Variants in GPC6 observed in about 807,000 individuals in gnomAD.
GPC6 encodes the protein glypican 6.
In GPC6, 14 loss-of-function variants were observed where a neutral mutation model predicts 55.2. The observed-to-expected ratio is 0.25, with a 90% CI of 0.17 to 0.40. The LOEUF (loss-of-function observed/expected upper bound fraction) is 0.40. Among genes scored for constraint, GPC6 ranks in the 10% least tolerant of loss-of-function variants. The pLI is 1.00. For synonymous variants in GPC6, 278 were observed against 259.6 expected (o/e 1.07, Z -0.68); for missense variants, 641 against 708.5 (o/e 0.90, Z 1.08).
intron 4 of GPC6, among the ~76,000 whole-genome samples, chr13:94,132,565 C>A (rs1044608227): frequency 2.6e-5 from 4 of 152,112 alleles, no homozygotes; most frequent in Non-Finnish European, 4.4e-5. Flanking sequence ...CTTCCTTGTT[C>A]AAAAATATGG....
intron 1 of GPC6, among the ~76,000 whole-genome samples, chr13:93,486,129 G>A (rs1177317827): frequency 2.6e-5 from 4 of 152,150 alleles, no homozygotes; most frequent in Admixed American, 6.6e-5. Flanking sequence ...CAGTGTAGTA[G>A]AGACAAGTGG....
rs141291168 is a variant in GPC6, at chr13:93,675,868, G to C, written c.319+130447G>C. Among the ~76,000 whole-genome samples, 752 of 152,032 alleles carry C rather than the reference G, an allele frequency of 4.9e-3. 6 individuals carry two copies. The highest frequency in any genetic ancestry group is 0.017 in the African/African-American group (693 of 41,452). On this transcript the variant is annotated intron_variant, in intron 2 of 8. Transcript: ENST00000377047. Reference sequence around the variant, plus strand: ...AACTGTTTGATTTTTTTGGATGTGAGAGATGTTGAGTAATTTTTCTAGATC... The same window carrying C: ...AACTGTTTGATTTTTTTGGATGTGACAGATGTTGAGTAATTTTTCTAGATC...
At chr13:94,134,675 A>G (rs1464059487) in intron 4 of GPC6, among the ~76,000 whole-genome samples, 1 of 150,850 alleles carries the variant, frequency 6.6e-6, no homozygotes, top group Non-Finnish European at 1.5e-5. Context: ...GAGAAAAAAC[A>G]TATTCATCAT....
intron 3 of GPC6, among the ~76,000 whole-genome samples, chr13:93,877,253 A>C (rs1449151551): frequency 1.3e-5 from 2 of 152,052 alleles, no homozygotes; most frequent in African/African-American, 4.8e-5. Flanking sequence ...CCTATTTTAC[A>C]GTTAACCCTT....
intron 4 of GPC6, among the ~76,000 whole-genome samples, chr13:94,160,735 A>G (rs922730323): frequency 6.6e-6 from 1 of 152,246 alleles, no homozygotes; most frequent in Non-Finnish European, 1.5e-5. Flanking sequence ...TACTAAACAT[A>G]GCCCTTTTTT....
chr13:94,239,184 C>A (rs772631454), intron 4 of GPC6, among the ~76,000 whole-genome samples: 1 of 151,914 alleles, frequency 6.6e-6, no homozygotes, highest in Non-Finnish European at 1.5e-5. Context: ...ATTTAGGGGG[C>A]CCTTCTCGGT....
At chr13:94,208,332 CAACT>C (rs770104743) in intron 4 of GPC6, among the ~76,000 whole-genome samples, 21 of 152,058 alleles carry the variant, frequency 1.4e-4, no homozygotes, top group Non-Finnish European at 1.0e-4. Flanking sequence ...GTGTTGTTGA[CAACT>C]AAATAAGACA....
At chr13:93,614,509 C>T (rs77983743) in intron 2 of GPC6, among the ~76,000 whole-genome samples, 11,056 of 152,038 alleles carry the variant, frequency 0.073, 561 homozygotes, top group Non-Finnish European at 0.12. Context: ...CCTTGGGTGG[C>T]GGTGACGATT....
intron 4 of GPC6, among the ~76,000 whole-genome samples, chr13:94,052,270 G>A (rs906229435): frequency 2.6e-5 from 4 of 152,184 alleles, no homozygotes; most frequent in Non-Finnish European, 5.9e-5. Flanking sequence ...ATTTGGGTCA[G>A]GTCATGCATT....
intron 2 of GPC6, among the ~76,000 whole-genome samples, chr13:93,729,052 A>G (rs1883738635): frequency 6.6e-6 from 1 of 152,222 alleles, no homozygotes; most frequent in South Asian, 2.1e-4. Flanking sequence ...TAGAATAAAA[A>G]TAATAAATCC....
intron 3 of GPC6, among the ~76,000 whole-genome samples, chr13:93,896,952 G>A (rs1346159567): frequency 6.7e-6 from 1 of 150,138 alleles, no homozygotes; most frequent in Non-Finnish European, 1.5e-5. Context: ...TCAGAGTGAG[G>A]CTGGATAGAA....
At chr13:94,399,939 G>T (rs1198187911) in intron 8 of GPC6, among the ~76,000 whole-genome samples, 1 of 152,162 alleles carries the variant, frequency 6.6e-6, no homozygotes, top group African/African-American at 2.4e-5. Context: ...TAAATAAAGT[G>T]CTCTATCATC....
intron 1 of GPC6, among the ~76,000 whole-genome samples, chr13:93,427,592 C>T (rs974309742): frequency 1.3e-5 from 2 of 152,170 alleles, no homozygotes; most frequent in African/African-American, 4.8e-5. Flanking sequence ...TGTGATGTTT[C>T]ACTTGCTATC....
chr13:94,280,108 T>A (rs1389705656), intron 4 of GPC6, among the ~76,000 whole-genome samples: 1 of 152,214 alleles, frequency 6.6e-6, no homozygotes, highest in Admixed American at 6.5e-5. Context: ...GAACTTGTTT[T>A]ATAAATCTGG....
At chr13:94,379,645 A>G (rs1243498884) in intron 6 of GPC6, among the ~76,000 whole-genome samples, 3 of 152,104 alleles carry the variant, frequency 2.0e-5, no homozygotes, top group Admixed American at 6.6e-5. Flanking sequence ...CATTATCTTA[A>G]CCAACATTTA....
intron 3 of GPC6, among the ~76,000 whole-genome samples, chr13:93,943,415 A>G (rs960175650): frequency 1.3e-5 from 2 of 152,096 alleles, no homozygotes; most frequent in African/African-American, 4.8e-5. Context: ...AGAAATGTAT[A>G]TCCCTCATCT....
At chr13:93,292,809 T>C (rs1878361104) in intron 1 of GPC6, among the ~76,000 whole-genome samples, 1 of 152,174 alleles carries the variant, frequency 6.6e-6, no homozygotes, top group South Asian at 2.1e-4. Context: ...ATTTAAATCT[T>C]TAGTAGGTGT....
In GPC6 at chr13:94,034,200, A is replaced by AGAAGGAAGGAAG. The variant is rs575821539; in HGVS notation, c.877+6346_877+6357dup. Among the ~76,000 whole-genome samples the AGAAGGAAGGAAG allele has an allele frequency of 8.3e-3, 604 of 72,708 alleles. 1 individual carries two copies. The highest frequency in any genetic ancestry group is 0.043 in the Middle Eastern group (4 of 92). The allele number at this position is 72,708 out of a possible 152,430, so 47.7% of individuals were successfully genotyped here. ...ACTACTTGCTGAGAGAAAGAAAGAA[A>AGAAGGAAGGAAG]GAAGGAAGGAAGGAAGGAAGGAAGG... On this transcript the variant is annotated intron_variant, in intron 4 of 8. Coordinates refer to ENST00000377047, the MANE Select transcript of GPC6 (RefSeq NM_005708.5).
intron 3 of GPC6, among the ~76,000 whole-genome samples, chr13:93,899,445 GA>G (rs796917504): frequency 1.1e-3 from 152 of 136,986 alleles, no homozygotes; most frequent in Middle Eastern, 3.8e-3. Context: ...TTGGATGAAG[GA>G]AAAAAAAAAA....
Sources: allele counts gnomAD v4.1 joint callset (sites outside exome capture counted in the v4.1 genomes callset), GRCh38; gene constraint gnomAD v4.1.1; transcripts MANE v1.5; gene names NCBI Gene and HGNC (gene_info 2026-07-23, HGNC 2026-07-21).